Variants in MYOM1 observed in about 807,000 individuals in gnomAD.
MYOM1 encodes the protein myomesin 1, also known as myomesin-1.
Under a neutral mutation model 205.3 loss-of-function variants are expected in MYOM1, and 164 were observed. The observed-to-expected ratio is 0.80, with a 90% CI of 0.70 to 0.91. The LOEUF is 0.91. Ranked by LOEUF, MYOM1 falls within the 40% of genes least tolerant of loss-of-function variation. The pLI, the probability that MYOM1 is intolerant of heterozygous loss-of-function variation, is 0.00. For synonymous variants in MYOM1, 772 were observed against 789.4 expected, an observed-to-expected ratio of 0.98 and a Z score of 0.37; for missense variants, 2,011 against 2,127.3, an observed-to-expected ratio of 0.95 and a Z score of 1.08.
chr18:3,126,801 T>G lies in MYOM1; in HGVS notation c.2891A>C (p.Glu964Ala). ...ATAGTTCACATAATAGCCAGTAATT[T>G]CTGCCCCTCCAATCTTATCTGGTTG... ...WKQPDKIGGAEITGYYVNYRE... is the reference protein window; with the variant it reads ...WKQPDKIGGAAITGYYVNYRE... Residue 964 changes from glutamate to alanine, a missense_variant, in exon 19 of 38, where the codon GAA becomes GCA. Transcript: ENST00000356443. The G allele has an allele frequency of 6.2e-7, 1 of 1,613,956 alleles. No homozygotes were observed.
intron 2 of MYOM1, among the ~76,000 whole-genome samples, chr18:3,213,977 C>T (rs1429572937): frequency 6.6e-6 from 1 of 152,120 alleles, no homozygotes; most frequent in African/African-American, 2.4e-5. Context: ...CTAAAATAAC[C>T]TTTTTTCCTC....
chr18:3,152,002 A>G lies in MYOM1; in HGVS notation c.1644-109T>C. 1 of 1,196,852 alleles carries G rather than the reference A, an allele frequency of 8.4e-7. No individual in the cohort carries two copies. Among genetic ancestry groups the G allele is most frequent in the South Asian group, 1.6e-5 (1 of 61,790 alleles). 74.1% of individuals were successfully genotyped at this position (1,196,852 alleles called of 1,614,324 possible). ...GTTTCAGATCTTCTCCCTATAAAAT[A>G]TCCAAGTCAGGCGTGGCTCGCTACC... On this transcript the variant is annotated intron_variant, in intron 11 of 37. Transcript: ENST00000356443. This position sits in a 1 kb window ranked among gnomAD's most constrained non-coding sequence, Gnocchi z 4.3.
At chr18:3,081,920 C>G (rs758325284) in intron 33 of MYOM1, among the ~76,000 whole-genome samples, 18 of 152,184 alleles carry the variant, frequency 1.2e-4, no homozygotes, top group African/African-American at 1.7e-4. Flanking sequence ...ACTGTTCAAT[C>G]TAGCCCAGTG....
chr18:3,174,635 G>T (rs949175857), intron 6 of MYOM1, among the ~76,000 whole-genome samples: 2 of 152,208 alleles, frequency 1.3e-5, no homozygotes, highest in Non-Finnish European at 2.9e-5. Context: ...ACACTGGAGG[G>T]CGTGGCTTTC....
chr18:3,186,806 AAGAAAGAAAGAAAGAAAG>A (rs2080820074), intron 5 of MYOM1, among the ~76,000 whole-genome samples: 1 of 115,622 alleles, frequency 8.6e-6, no homozygotes, highest in Non-Finnish European at 1.9e-5. Context: ...AAGAAAGAGA[AAGAAAGAAAGAAAGAAAG>A]AGAAAGAAAG....
chr18:3,208,056 A>G (rs904466205), intron 2 of MYOM1, among the ~76,000 whole-genome samples: 1 of 152,194 alleles, frequency 6.6e-6, no homozygotes, highest in Non-Finnish European at 1.5e-5. Context: ...CCACAGTTCT[A>G]TGGATCTATA....
rs759045867 is a variant in MYOM1 at position 3,126,749 on chromosome 18, T to G, written c.2943A>C (p.Gly981=). Residue 981 remains glycine, a synonymous_variant, in exon 19 of 38, where the codon GGA becomes GGC. Coordinates refer to ENST00000356443, the MANE Select transcript of MYOM1 (RefSeq NM_003803.4). Reference sequence around the variant, plus strand: ...CCTTGACATTGGCTTCTCTCCATTTTCCTGGTACCCCATCAATGACCTCGC... The same window carrying G: ...CCTTGACATTGGCTTCTCTCCATTTGCCTGGTACCCCATCAATGACCTCGC... ...NYREVIDGVP[G]KWREANVKAV... 1 of 1,613,908 alleles carries G rather than the reference T, an allele frequency of 6.2e-7. No homozygotes were observed. Among genetic ancestry groups the G allele is most frequent in the Non-Finnish European group, 8.5e-7 (1 of 1,179,850 alleles).
chr18:3,242,660 C>T, the MYOM1 span, among the ~76,000 whole-genome samples: 1 of 152,216 alleles, frequency 6.6e-6, no homozygotes, highest in African/African-American at 2.4e-5. Context: ...AGGCACGCAC[C>T]ACCACGCCCA....
chr18:3,195,194 G>A (rs890869178), intron 2 of MYOM1, among the ~76,000 whole-genome samples: 2 of 152,232 alleles, frequency 1.3e-5, no homozygotes, highest in African/African-American at 4.8e-5. Context: ...TTGACATGCA[G>A]GGCAGGCAGC....
chr18:3,123,802 A>T (rs796996495), intron 19 of MYOM1, among the ~76,000 whole-genome samples: 48 of 147,748 alleles, frequency 3.2e-4, no homozygotes, highest in African/African-American at 1.2e-3. Flanking sequence ...CAACTTTACT[A>T]TAAAGCTATA....
rs1486813099 is a variant in MYOM1, at chr18:3,189,544, G to A, written c.432-457C>T. Among the ~76,000 whole-genome samples the A allele has an allele frequency of 6.6e-6, 1 of 152,072 alleles. No individual in the cohort carries two copies. Among genetic ancestry groups the A allele is most frequent in the African/African-American group, 2.4e-5 (1 of 41,408 alleles). On this transcript the variant is annotated intron_variant, in intron 3 of 37. Coordinates refer to ENST00000356443, the MANE Select transcript of MYOM1 (RefSeq NM_003803.4). This position sits in a 1 kb window ranked among gnomAD's most constrained non-coding sequence, Gnocchi z 4.8. ...TGGCTAATATTTTGTAATTTTAGTAGAGACAGGGTTTCACCATGTTGGCCA... is the reference window on the plus strand; with the variant it reads ...TGGCTAATATTTTGTAATTTTAGTAAAGACAGGGTTTCACCATGTTGGCCA...
intron 5 of MYOM1, among the ~76,000 whole-genome samples, chr18:3,177,331 T>G (rs1223840731): frequency 6.6e-6 from 1 of 151,976 alleles, no homozygotes. Flanking sequence ...TGACCACTAT[T>G]GATGTAACAG....
At chr18:3,174,701 A>G (rs1188098899) in intron 6 of MYOM1, among the ~76,000 whole-genome samples, 1 of 152,160 alleles carries the variant, frequency 6.6e-6, no homozygotes, top group East Asian at 1.9e-4. Context: ...GAAATAGGGA[A>G]GAGAAAGAAG....
rs534681054 is a variant in MYOM1, at chr18:3,119,915, T to C, written c.3072A>G (p.Ala1024=). The change falls in exon 20 of 38, where the codon GCA becomes GCG. Residue 1024 remains alanine (A), a synonymous_variant. Coordinates refer to ENST00000356443, the MANE Select transcript of MYOM1 (RefSeq NM_003803.4). The part of the protein sequence containing the change: ...MNMAGLGAPS[A]VSECFKCEEW... Reference sequence around the variant, plus strand: ...CTTCACATTTGAAGCATTCGCTTACTGCGGAGGGCGCGCCCAGCCCAGCCA... The same window carrying C: ...CTTCACATTTGAAGCATTCGCTTACCGCGGAGGGCGCGCCCAGCCCAGCCA... 1.2e-5 allele frequency: 19 copies of C among 1,613,028 alleles called. No homozygotes were observed. In the African/African-American group the frequency reaches 2.1e-4, roughly 18 times the overall value.
chr18:3,112,450 G>C, intron 21 of MYOM1, 38 bp from the exon 22 acceptor site: 1 of 1,494,762 alleles, frequency 6.7e-7, no homozygotes, highest in East Asian at 2.3e-5. Flanking sequence ...GGTGTTTGAT[G>C]AAGCAGTGGC....
At chr18:3,126,953 A>G (rs948817822) in intron 18 of MYOM1, 56 bp from the exon 19 acceptor site, 1 of 1,479,868 alleles carries the variant, frequency 6.8e-7, no homozygotes, top group South Asian at 1.2e-5. Flanking sequence ...GATTCTATAT[A>G]TAAACATTTC....
At position 3,214,935 on chromosome 18, in the gene MYOM1, C is replaced by T. The variant is rs768072557; in HGVS notation, c.289G>A (p.Gly97Arg). 1.3e-6 allele frequency: 2 copies of T among 1,593,012 alleles called. No individual in the cohort carries two copies. The highest frequency in any genetic ancestry group is 2.7e-5 in the African/African-American group (2 of 74,548). ...GTTGGAGGAGGGCGTCCGACATACC[C>T]ATGGGAGGAGCCATAATCGTAGGCT... The part of the protein sequence containing the change: ...ASAYDYGSSH[G>R]LTDSSLLLDD... The change falls in exon 2 of 38, where the codon GGA becomes AGA. Residue 97 changes from glycine (G) to arginine (R), a missense_variant and splice_region_variant. Transcript: ENST00000356443.
chr18:3,239,051 G>A, the MYOM1 span, among the ~76,000 whole-genome samples: 1 of 152,200 alleles, frequency 6.6e-6, no homozygotes, highest in Non-Finnish European at 1.5e-5. Flanking sequence ...CCTCTGCTGT[G>A]TAACCTAACA....
chr18:3,157,945 T>C (rs2080325718), intron 10 of MYOM1, among the ~76,000 whole-genome samples: 1 of 151,900 alleles, frequency 6.6e-6, no homozygotes, highest in African/African-American at 2.4e-5. Flanking sequence ...TAAGTTTGAT[T>C]ATTAGATCAA....
Sources: gnomAD v4.1 joint callset for allele counts (sites outside exome capture counted in the v4.1 genomes callset) on GRCh38, gnomAD v4.1.1 for gene constraint, Gnocchi (gnomAD v3.1) non-coding constraint, MANE v1.5 for transcripts, NCBI Gene and HGNC (gene_info 2026-07-23, HGNC 2026-07-21) for gene names.